DNAH6: variants seen among roughly 807,000 people sequenced by gnomAD.
DNAH6 encodes the protein dynein axonemal heavy chain 6.
Under a neutral mutation model 491.4 loss-of-function variants are expected in DNAH6, and 340 were observed. The observed-to-expected ratio is 0.69, with a 90% confidence interval of 0.63 to 0.76. DNAH6 has a LOEUF of 0.76. Ranked by LOEUF, DNAH6 falls within the 30% of genes least tolerant of loss-of-function variation. The pLI, the probability that DNAH6 is intolerant of heterozygous loss-of-function variation, is 0.00. For synonymous variants in DNAH6, 1,603 were observed against 1,686.1 expected (o/e 0.95, Z 1.21); for missense variants, 4,443 against 4,972.2 (o/e 0.89, Z 3.20).
At chr2:84,483,526 A>G in the DNAH6 span, among the ~76,000 whole-genome samples, 2 of 152,224 alleles carry the variant, frequency 1.3e-5, no homozygotes, top group East Asian at 1.9e-4. Context: ...AGAAATTTGC[A>G]CAGTCATGGT....
At chr2:84,738,128 T>C (rs1672182830) in intron 62 of DNAH6, among the ~76,000 whole-genome samples, 1 of 152,182 alleles carries the variant, frequency 6.6e-6, no homozygotes, top group Non-Finnish European at 1.5e-5. Context: ...AGGAGCAATT[T>C]GTTTAGTTTC....
chr2:84,529,069 A>G lies in DNAH6; in HGVS notation c.565A>G (p.Ile189Val), dbSNP rs1421561041. 13 of 1,551,292 alleles carry G rather than the reference A, an allele frequency of 8.4e-6. No individual in the cohort carries two copies. The highest frequency in any genetic ancestry group is 1.7e-4 in the Middle Eastern group (1 of 5,988). The change falls in exon 4 of 77, where the codon ATC (isoleucine) becomes GTC (valine). Residue 189 changes from isoleucine (I) to valine (V), a missense_variant. Ile to Val is a conservative substitution (Grantham distance 29). Around this residue, in one of 3 missense-constraint regions of DNAH6, gnomAD observed 2,977 missense variants for 3,296.6 expected, o/e 0.90. Transcript: ENST00000389394. Reference sequence around the variant, plus strand: ...AGCCAACATTCGTGATCCCTTGCAAATCATTAAAATAATACGTGAAAATGA... The same window carrying G: ...AGCCAACATTCGTGATCCCTTGCAAGTCATTAAAATAATACGTGAAAATGA... Reference protein sequence around the residue: ...VKANIRDPLQIIKIIRENEHL... With the variant: ...VKANIRDPLQVIKIIRENEHL...
At chr2:84,603,396 A>G (rs1685452100) in intron 18 of DNAH6, among the ~76,000 whole-genome samples, 1 of 152,058 alleles carries the variant, frequency 6.6e-6, no homozygotes, top group African/African-American at 2.4e-5. Flanking sequence ...CTGGTTTACC[A>G]AAGGTTATTT....
intron 71 of DNAH6, among the ~76,000 whole-genome samples, chr2:84,807,998 C>T (rs1191833595): frequency 1.3e-5 from 2 of 152,186 alleles, no homozygotes; most frequent in Non-Finnish European, 2.9e-5. Context: ...CAAGGACCTA[C>T]CTCTCCTGTC....
intron 63 of DNAH6, among the ~76,000 whole-genome samples, chr2:84,759,767 C>T (rs1674391366): frequency 6.6e-6 from 1 of 151,914 alleles, no homozygotes; most frequent in Non-Finnish European, 1.5e-5. Flanking sequence ...AAAAGCAATC[C>T]TAAAATTATG....
intron 69 of DNAH6, among the ~76,000 whole-genome samples, chr2:84,796,828 C>G (rs1001420170): frequency 6.6e-6 from 1 of 151,970 alleles, no homozygotes; most frequent in Non-Finnish European, 1.5e-5. Context: ...AAGACCCAGT[C>G]TCTAAATCAT....
At chr2:84,583,321 C>T (rs77572770) in intron 14 of DNAH6, among the ~76,000 whole-genome samples, 1 of 152,152 alleles carries the variant, frequency 6.6e-6, no homozygotes, top group Non-Finnish European at 1.5e-5. Context: ...AGCTGAACAA[C>T]CCCACAGCAC....
At chr2:84,487,286 A>G in the DNAH6 span, among the ~76,000 whole-genome samples, 2 of 152,242 alleles carry the variant, frequency 1.3e-5, no homozygotes, top group African/African-American at 4.8e-5. Flanking sequence ...TCCAATGTGC[A>G]TTGAAATTCC....
chr2:84,620,925 G>C (rs1687336533), intron 24 of DNAH6, among the ~76,000 whole-genome samples: 1 of 152,198 alleles, frequency 6.6e-6, no homozygotes, highest in Non-Finnish European at 1.5e-5. Flanking sequence ...ATAGCAGCAA[G>C]TAGGAAAGTG....
intron 22 of DNAH6, among the ~76,000 whole-genome samples, chr2:84,613,708 G>C (rs1686555837): frequency 6.6e-6 from 1 of 152,070 alleles, no homozygotes; most frequent in Non-Finnish European, 1.5e-5. Flanking sequence ...TCAAGGAGAA[G>C]GCAACTGCTT....
chr2:84,526,851 T>C (rs1223728659), intron 3 of DNAH6, among the ~76,000 whole-genome samples: 1 of 152,150 alleles, frequency 6.6e-6, no homozygotes, highest in African/African-American at 2.4e-5. Flanking sequence ...ATTAATTCAT[T>C]TGGCATAAAG....
At chr2:84,713,368 C>G (rs1381437395) in intron 57 of DNAH6, 109 bp downstream of exon 57, 1 of 1,085,778 alleles carries the variant, frequency 9.2e-7, no homozygotes, top group Non-Finnish European at 1.3e-6. Context: ...CCCCATTCTC[C>G]CCTGTCTCCT....
At chr2:84,579,436 G>A (rs989977208) in intron 13 of DNAH6, 91 bp from the exon 14 acceptor site, 2 of 1,423,652 alleles carry the variant, frequency 1.4e-6, no homozygotes, top group South Asian at 2.4e-5. Context: ...AATGCCTGCT[G>A]ATTTAACAAA....
chr2:84,697,607 T>C lies in DNAH6; in HGVS notation c.7557T>C (p.Asn2519=), dbSNP rs772985754. 1 of 1,551,948 alleles carries C rather than the reference T, an allele frequency of 6.4e-7. No homozygotes were observed. The highest frequency in any genetic ancestry group is 1.2e-5 in the South Asian group (1 of 84,052). The stretch of plus-strand genomic sequence containing the variant: ...TGGAGGAGTTCCTAGAAGATATAAA[T>C]AACATCCTGAACTCAGGTGAAGTGC... ...IVVEEFLEDI[N]NILNSGEVPN... is the part of the protein sequence containing the mutation. Residue 2519 remains asparagine (N), a synonymous_variant, in exon 47 of 77, where the codon AAT becomes AAC. Transcript: ENST00000389394.
At chr2:84,759,167 A>G (rs1674333530) in intron 63 of DNAH6, among the ~76,000 whole-genome samples, 1 of 152,014 alleles carries the variant, frequency 6.6e-6, no homozygotes, top group Admixed American at 6.6e-5. Flanking sequence ...GATCTAGCTG[A>G]GAATGAAATT....
the DNAH6 span, among the ~76,000 whole-genome samples, chr2:84,494,438 C>T: frequency 4.6e-5 from 7 of 152,090 alleles, no homozygotes; most frequent in African/African-American, 9.7e-5. Flanking sequence ...CACATCACAT[C>T]GAAAATCCCA....
intron 15 of DNAH6, among the ~76,000 whole-genome samples, chr2:84,587,315 C>T (rs1164084605): frequency 6.6e-6 from 1 of 152,162 alleles, no homozygotes; most frequent in African/African-American, 2.4e-5. Flanking sequence ...CATAGTGTTC[C>T]GTGTGTCCAC....
At chr2:84,741,935 C>G (rs986749885) in intron 62 of DNAH6, among the ~76,000 whole-genome samples, 1 of 152,200 alleles carries the variant, frequency 6.6e-6, no homozygotes, top group Non-Finnish European at 1.5e-5. Context: ...CAGGGATTTC[C>G]CTCTTACTGT....
Position 84,548,419 on chromosome 2 carries a change from T to G in DNAH6, c.1316+2T>G, listed in dbSNP as rs757723655. 6.2e-7 allele frequency: 1 copy of G among 1,613,378 alleles called. No individual in the cohort carries two copies. Among genetic ancestry groups the G allele is most frequent in the Non-Finnish European group, 8.5e-7 (1 of 1,179,832 alleles). Reference sequence around the variant, plus strand: ...GCATTATTGCATGAGGCTGACGTGGTAAGATTATTCTCATTTTCAAGAAAA... The same window carrying G: ...GCATTATTGCATGAGGCTGACGTGGGAAGATTATTCTCATTTTCAAGAAAA... On this transcript the variant is annotated splice_donor_variant, in intron 8 of 76. Transcript: ENST00000389394. LOFTEE classifies it high-confidence loss of function.
Sources: allele counts gnomAD v4.1 joint callset (sites outside exome capture counted in the v4.1 genomes callset), GRCh38; gene constraint gnomAD v4.1.1; regional missense constraint gnomAD v4.1.1; transcripts MANE v1.5; gene names NCBI Gene and HGNC (gene_info 2026-07-23, HGNC 2026-07-21).